HEATR5A: variants seen among roughly 807,000 people sequenced by gnomAD.
HEATR5A encodes the protein HEAT repeat containing 5A, also known as HEAT repeat-containing protein 5A.
In HEATR5A, 178 loss-of-function variants were observed where a neutral mutation model predicts 218.8. The observed-to-expected ratio is 0.81, with a 90% CI of 0.72 to 0.92. The LOEUF (loss-of-function observed/expected upper bound fraction) is 0.92, where lower values mean the gene tolerates loss of function less well. HEATR5A is among the 40% of genes least tolerant of loss of function. HEATR5A has a pLI of 0.00. For synonymous variants in HEATR5A, 864 were observed against 871.6 expected (o/e 0.99, Z 0.15); for missense variants, 2,420 against 2,418.9 (o/e 1.00, Z -0.01).
At chr14:31,347,971 T>C in intron 18 of HEATR5A, 64 bp from the exon 19 acceptor site, 1 of 1,059,612 alleles carries the variant, frequency 9.4e-7, no homozygotes, top group Non-Finnish European at 1.3e-6. Flanking sequence ...CAAAAACTAA[T>C]GCATGTACAC....
chr14:31,355,610 T>C (rs577915386), intron 16 of HEATR5A, among the ~76,000 whole-genome samples: 65 of 151,942 alleles, frequency 4.3e-4, no homozygotes, highest in Non-Finnish European at 7.6e-4. Context: ...GGTGCATGCC[T>C]GTAATCCCAG....
intron 24 of HEATR5A, among the ~76,000 whole-genome samples, chr14:31,322,942 A>G (rs577780990): frequency 4.4e-4 from 67 of 152,018 alleles, no homozygotes; most frequent in Non-Finnish European, 7.1e-4. Context: ...ATACAGTTAA[A>G]CAGTAAGAGG....
Position 31,306,799 on chromosome 14 carries a change from A to C in HEATR5A, c.4899T>G (p.Leu1633=). 6.2e-7 allele frequency: 1 copy of C among 1,613,752 alleles called. No homozygotes were observed. Among genetic ancestry groups the C allele is most frequent in the Non-Finnish European group, 8.5e-7 (1 of 1,179,748 alleles). Residue 1633 remains leucine (L), a synonymous_variant, in exon 31 of 36, where the codon CTT becomes CTG. Coordinates refer to ENST00000543095, the MANE Select transcript of HEATR5A (RefSeq NM_015473.4). Reference sequence around the variant, plus strand: ...CACAGATAATCTGCCTTACCACTTCAAGTGAAGCCAACTGAATGGAAGGTG... The same window carrying C: ...CACAGATAATCTGCCTTACCACTTCCAGTGAAGCCAACTGAATGGAAGGTG... ...RESPSIQLAS[L]EVVRQIICAA...
At chr14:31,386,793 G>C (rs2030242221) in intron 8 of HEATR5A, among the ~76,000 whole-genome samples, 1 of 152,128 alleles carries the variant, frequency 6.6e-6, no homozygotes, top group East Asian at 1.9e-4. Flanking sequence ...TCCAATCAGA[G>C]ACCCCTTATT....
At chr14:31,345,914 GCACACA>G (rs35067283) in intron 19 of HEATR5A, among the ~76,000 whole-genome samples, 1 of 150,782 alleles carries the variant, frequency 6.6e-6, no homozygotes, top group Non-Finnish European at 1.5e-5. Flanking sequence ...ATGCACACAC[GCACACA>G]CACACACACA....
At chr14:31,352,775 T>C (rs887407708) in intron 16 of HEATR5A, among the ~76,000 whole-genome samples, 2 of 152,006 alleles carry the variant, frequency 1.3e-5, no homozygotes, top group Admixed American at 6.6e-5. Context: ...CTGGACAACA[T>C]GGTGAAACTC....
chr14:31,334,960 A>AAAAAAG (rs1900603400), intron 22 of HEATR5A, among the ~76,000 whole-genome samples: 1 of 151,186 alleles, frequency 6.6e-6, no homozygotes, highest in African/African-American at 2.4e-5. Context: ...AAAAAAAAAA[A>AAAAAAG]AAAAAGAAAA....
Position 31,394,187 on chromosome 14 carries a change from T to G in HEATR5A, c.637A>C (p.Ser213Arg). 6.6e-7 allele frequency: 1 copy of G among 1,515,144 alleles called. No homozygotes were observed. The highest frequency in any genetic ancestry group is 2.5e-5 in the East Asian group (1 of 40,256). 93.9% of individuals were successfully genotyped at this position (1,515,144 alleles called of 1,614,324 possible). Reference protein sequence around the residue: ...ELQNEAIFMWSTDLDSVATLC... With the variant: ...ELQNEAIFMWRTDLDSVATLC... ...GTGGCCACACTGTCCAGGTCCGTACTCCACATAAAGATGGCTTCATTCTGA... is the reference window on the plus strand; with the variant it reads ...GTGGCCACACTGTCCAGGTCCGTACGCCACATAAAGATGGCTTCATTCTGA... Residue 213 changes from serine (S) to arginine (R), a missense_variant, in exon 6 of 36, where the codon AGT becomes CGT. Coordinates refer to ENST00000543095, the MANE Select transcript of HEATR5A (RefSeq NM_015473.4).
At chr14:31,342,371 G>C (rs1013505441) in intron 21 of HEATR5A, among the ~76,000 whole-genome samples, 1 of 152,138 alleles carries the variant, frequency 6.6e-6, no homozygotes, top group African/African-American at 2.4e-5. Context: ...CTGACAAAGT[G>C]AGACTGTGCC....
At position 31,359,092 on chromosome 14, in the gene HEATR5A, T is replaced by C. The variant is rs1304452132; in HGVS notation, c.2072-35A>G. The C allele has an allele frequency of 4.5e-6, 7 of 1,567,678 alleles. No individual in the cohort carries two copies. The Admixed American group carries it at 8.0e-5, about 18-fold the overall frequency. ...CACAGAAAAAGAGCAATTAGTACTA[T>C]TAATTATCTGGTGAGAGTATGGGAT... On this transcript the variant is annotated intron_variant, in intron 14 of 35. Transcript: ENST00000543095.
Position 31,403,002 on chromosome 14 carries a change from C to T in HEATR5A, c.-27G>A. On this transcript the variant is annotated 5_prime_UTR_variant, in exon 2 of 36. Coordinates refer to ENST00000543095, the MANE Select transcript of HEATR5A (RefSeq NM_015473.4). ...CCTTGCAGCAATCCTCCCAGCTGAT[C>T]ACAGTTCTTCTCGTTAAACTTTGGT... 6.5e-7 allele frequency: 1 copy of T among 1,527,778 alleles called. No homozygotes were observed. The highest frequency in any genetic ancestry group is 8.8e-7 in the Non-Finnish European group (1 of 1,141,854). 94.6% of individuals were successfully genotyped at this position (1,527,778 alleles called of 1,614,324 possible).
chr14:31,348,182 T>C lies in HEATR5A; in HGVS notation c.2709-275A>G, dbSNP rs528798465. On this transcript the variant is annotated intron_variant, in intron 18 of 35. Transcript: ENST00000543095. ...TCATATATATACATGAAGAAGGTTTTTAAGATAAGCATTATTATTACTTTA... is the reference window on the plus strand; with the variant it reads ...TCATATATATACATGAAGAAGGTTTCTAAGATAAGCATTATTATTACTTTA... Among the ~76,000 whole-genome samples the C allele has an allele frequency of 2.6e-5, 4 of 152,306 alleles. No individual in the cohort carries two copies. The South Asian group carries it at 8.3e-4, about 32-fold the overall frequency.
At chr14:31,399,175 T>C (rs2030776492) in intron 3 of HEATR5A, among the ~76,000 whole-genome samples, 3 of 152,194 alleles carry the variant, frequency 2.0e-5, no homozygotes, top group African/African-American at 7.2e-5. Context: ...GCATCATTTG[T>C]TGAAAAAGTG....
intron 13 of HEATR5A, among the ~76,000 whole-genome samples, chr14:31,365,543 G>C (rs1277709662): frequency 2.0e-5 from 3 of 151,720 alleles, no homozygotes; most frequent in African/African-American, 7.3e-5. Flanking sequence ...TGTATTTTTA[G>C]TAGAGATGGG....
intron 1 of HEATR5A, among the ~76,000 whole-genome samples, chr14:31,414,433 TA>T (rs1475771047): frequency 2.0e-5 from 3 of 152,022 alleles, no homozygotes; most frequent in Non-Finnish European, 4.4e-5. Flanking sequence ...ACATTAAAAG[TA>T]AAAGAGCAAA....
At chr14:31,374,765 G>C in intron 12 of HEATR5A, 51 bp downstream of exon 12, 2 of 1,526,260 alleles carry the variant, frequency 1.3e-6, no homozygotes, top group South Asian at 1.3e-5. Context: ...AAAGACAAAG[G>C]GTGGGTAAAA....
chr14:31,318,054 T>C (rs527785630), intron 26 of HEATR5A, among the ~76,000 whole-genome samples, 170 bp downstream of exon 26: 2 of 152,302 alleles, frequency 1.3e-5, no homozygotes, highest in Admixed American at 6.5e-5. Context: ...AACATATCTA[T>C]ATAGTGGATT....
At chr14:31,325,847 G>C (rs886769727) in intron 23 of HEATR5A, 2 of 284,098 alleles carry the variant, frequency 7.0e-6, no homozygotes, top group East Asian at 1.9e-4. Context: ...GAAAAGAAAT[G>C]ATGGGAACAA....
intron 25 of HEATR5A, chr14:31,320,759 T>C (rs933085948): frequency 2.2e-4 from 76 of 342,610 alleles, no homozygotes; most frequent in South Asian, 5.6e-4. Flanking sequence ...GGCCATTTTT[T>C]TTCCCCCTCT....
Sources: allele counts gnomAD v4.1 joint callset (sites outside exome capture counted in the v4.1 genomes callset), GRCh38; gene constraint gnomAD v4.1.1; transcripts MANE v1.5; gene names NCBI Gene and HGNC (gene_info 2026-07-23, HGNC 2026-07-21).